SCAPER: variants seen among roughly 807,000 people sequenced by gnomAD.
The protein encoded by SCAPER is S-phase cyclin A associated protein in the ER.
In SCAPER, 98 loss-of-function variants were observed where a neutral mutation model predicts 182.2. The observed-to-expected ratio is 0.54, with a 90% confidence interval of 0.46 to 0.64. The LOEUF is 0.64. Among genes scored for constraint, SCAPER ranks in the 30% least tolerant of loss-of-function variants. The pLI, the probability that SCAPER is intolerant of heterozygous loss-of-function variation, is 0.00. For synonymous variants in SCAPER, 605 were observed against 564.6 expected, an observed-to-expected ratio of 1.07 and a Z score of -1.01; for missense variants, 1,432 against 1,690.0, an observed-to-expected ratio of 0.85 and a Z score of 2.68.
intron 26 of SCAPER, among the ~76,000 whole-genome samples, chr15:76,417,408 G>A (rs2045727397): frequency 6.6e-6 from 1 of 152,352 alleles, no homozygotes; most frequent in East Asian, 1.9e-4. Context: ...AATGGAGTGA[G>A]GGTGAGAGTT....
At chr15:76,564,533 A>G (rs769576993) in intron 23 of SCAPER, among the ~76,000 whole-genome samples, 2 of 152,114 alleles carry the variant, frequency 1.3e-5, no homozygotes, top group Non-Finnish European at 2.9e-5. Flanking sequence ...CAAATGGAAA[A>G]ACACTCCATG....
intron 23 of SCAPER, among the ~76,000 whole-genome samples, chr15:76,533,408 T>G (rs1242427861): frequency 6.6e-6 from 1 of 152,206 alleles, no homozygotes; most frequent in Non-Finnish European, 1.5e-5. Context: ...ACCATTGTGT[T>G]ACAAATGCCT....
chr15:76,549,697 G>A (rs1162085060), intron 23 of SCAPER, among the ~76,000 whole-genome samples: 3 of 151,924 alleles, frequency 2.0e-5, no homozygotes, highest in Admixed American at 6.6e-5. Flanking sequence ...GTATGCATAC[G>A]TAACTAACCT....
chr15:76,457,649 T>C (rs1470756631), intron 25 of SCAPER, among the ~76,000 whole-genome samples: 4 of 152,182 alleles, frequency 2.6e-5, no homozygotes, highest in Non-Finnish European at 5.9e-5. Context: ...GTAGAAAGCT[T>C]GTAAGCTCAT....
chr15:76,371,251 T>C (rs1373467847), intron 29 of SCAPER, among the ~76,000 whole-genome samples: 1 of 152,108 alleles, frequency 6.6e-6, no homozygotes, highest in Middle Eastern at 3.4e-3. Flanking sequence ...AGACAAGAGA[T>C]GGCAAGAATA....
chr15:76,604,310 G>A lies in SCAPER; in HGVS notation c.2711+17454C>T, dbSNP rs1387308804. On this transcript the variant is annotated intron_variant, in intron 22 of 31. Transcript: ENST00000563290. ...CTTTCCCTATTGCTTGTTTTTGTCA[G>A]GTTTGTCAAAGATCAGATAGCTGTA... is the stretch of plus-strand genomic sequence containing the variant. 1.7e-5 allele frequency among the ~76,000 whole-genome samples: 2 copies of A among 120,578 alleles called. 1 individual carries two copies. Among genetic ancestry groups the A allele is most frequent in the Non-Finnish European group, 4.0e-5 (2 of 49,694 alleles). 79.1% of individuals were successfully genotyped at this position (120,578 alleles called of 152,430 possible). A position where few individuals can be genotyped will look rare whatever the true frequency, so the allele number is the denominator to read the frequency against.
chr15:76,658,851 G>T (rs569364655), intron 21 of SCAPER, among the ~76,000 whole-genome samples: 1 of 152,238 alleles, frequency 6.6e-6, no homozygotes, highest in Admixed American at 6.5e-5. Flanking sequence ...TGGTGCTGGG[G>T]TAATTGGCTA....
At position 76,603,280 on chromosome 15, in the gene SCAPER, G is replaced by A. The variant is rs1263796206; in HGVS notation, c.2711+18484C>T. Among the ~76,000 whole-genome samples the A allele has an allele frequency of 2.5e-5, 3 of 118,644 alleles. 1 individual carries two copies. Among genetic ancestry groups the A allele is most frequent in the Non-Finnish European group, 6.1e-5 (3 of 49,030 alleles). 77.8% of individuals were successfully genotyped at this position (118,644 alleles called of 152,430 possible). A position where few individuals can be genotyped will look rare whatever the true frequency, so the allele number is the denominator to read the frequency against. ...AATTCCCACCTATGAGCGAGAACAT[G>A]CGGTGTTTTTTTGTCCTTGCGATAG... On this transcript the variant is annotated intron_variant, in intron 22 of 31. Transcript: ENST00000563290.
chr15:76,475,235 A>G (rs1268368924), intron 24 of SCAPER, among the ~76,000 whole-genome samples: 1 of 152,160 alleles, frequency 6.6e-6, no homozygotes, highest in Non-Finnish European at 1.5e-5. Context: ...AAATAAATTT[A>G]CATTTATTTT....
At chr15:76,487,422 G>A (rs970470056) in intron 24 of SCAPER, among the ~76,000 whole-genome samples, 1 of 152,148 alleles carries the variant, frequency 6.6e-6, no homozygotes, top group Non-Finnish European at 1.5e-5. Context: ...TAGTAAAACT[G>A]TTCTGCATGA....
chr15:76,693,992 T>C (rs950157312), intron 20 of SCAPER, among the ~76,000 whole-genome samples: 36 of 152,148 alleles, frequency 2.4e-4, no homozygotes, highest in Non-Finnish European at 4.1e-4. Context: ...ACGGTAACTA[T>C]CGCTTTGTAT....
intron 23 of SCAPER, among the ~76,000 whole-genome samples, chr15:76,571,515 G>A (rs1042650773): frequency 3.9e-5 from 6 of 152,060 alleles, no homozygotes. Flanking sequence ...TGATAAGAGC[G>A]TTACTATACA....
chr15:76,763,188 G>T (rs2062897988), intron 14 of SCAPER, among the ~76,000 whole-genome samples: 1 of 152,134 alleles, frequency 6.6e-6, no homozygotes, highest in South Asian at 2.1e-4. Context: ...GTCTGGGAAA[G>T]ACTTTATCTC....
chr15:76,552,556 T>C (rs1266193802), intron 23 of SCAPER, among the ~76,000 whole-genome samples: 8 of 152,128 alleles, frequency 5.3e-5, no homozygotes, highest in Admixed American at 5.2e-4. Flanking sequence ...AGGTAAGCAC[T>C]GGCCCCCTCT....
At chr15:76,704,890 G>C (rs2059163168) in intron 18 of SCAPER, among the ~76,000 whole-genome samples, 1 of 152,098 alleles carries the variant, frequency 6.6e-6, no homozygotes, top group South Asian at 2.1e-4. Flanking sequence ...AAAAAGTCAG[G>C]AAACAACAGG....
chr15:76,390,771 T>C (rs1307260327), intron 27 of SCAPER, among the ~76,000 whole-genome samples: 1 of 152,174 alleles, frequency 6.6e-6, no homozygotes, highest in African/African-American at 2.4e-5. Context: ...AGTTTGGAAG[T>C]TGGGCTGAAG....
chr15:76,705,905 T>C lies in SCAPER; in HGVS notation c.2245A>G (p.Lys749Glu). The C allele has an allele frequency of 6.5e-7, 1 of 1,547,192 alleles. No homozygotes were observed. The highest frequency in any genetic ancestry group is 8.7e-7 in the Non-Finnish European group (1 of 1,147,942). Residue 749 changes from lysine to glutamate, a missense_variant and splice_region_variant, in exon 18 of 32, where the codon AAG (lysine) becomes GAG (glutamate). Coordinates refer to ENST00000563290, the MANE Select transcript of SCAPER (RefSeq NM_020843.4). Reference protein sequence around the residue: ...MEELQKKIQLKHDESIRRHME... With the variant: ...MEELQKKIQLEHDESIRRHME... ...TTAAAAATATATAATATCCTTACCT[T>C]GAGCTGAATTTTTTTCTGTAACTCT...
intron 15 of SCAPER, among the ~76,000 whole-genome samples, chr15:76,738,676 A>G (rs1228293333): frequency 6.6e-6 from 1 of 152,184 alleles, no homozygotes; most frequent in African/African-American, 2.4e-5. Context: ...AGGTCAGTGG[A>G]GCAGTCAGAA....
rs765875424 is a variant in SCAPER at position 76,726,124 on chromosome 15, AATAT to A, written c.2165+2467_2165+2470del. Among the ~76,000 whole-genome samples the A allele has an allele frequency of 9.1e-3, 139 of 15,354 alleles. 3 individuals carry two copies. Among genetic ancestry groups the A allele is most frequent in the African/African-American group, 0.02 (138 of 6,878 alleles). The allele number at this position is 15,354 out of a possible 152,430, so 10.1% of individuals were successfully genotyped here. On this transcript the variant is annotated intron_variant, in intron 17 of 31. Transcript: ENST00000563290. ...TCTTTGATAAAGGGTTAATGTCTAGAATATATATATATATATATATATATATATA... is the reference window on the plus strand; with the variant it reads ...TCTTTGATAAAGGGTTAATGTCTAGAATATATATATATATATATATATATA...
Sources: gnomAD v4.1 joint callset for allele counts (sites outside exome capture counted in the v4.1 genomes callset) on GRCh38, gnomAD v4.1.1 for gene constraint, MANE v1.5 for transcripts, NCBI Gene and HGNC (gene_info 2026-07-23, HGNC 2026-07-21) for gene names.